ABHD12: variants seen among roughly 807,000 people sequenced by gnomAD.
ABHD12 encodes lysophosphatidylserine lipase ABHD12.
A neutral mutation model predicts 58.3 loss-of-function variants in ABHD12; 43 were observed. That is an observed-to-expected ratio of 0.74 (90% confidence interval 0.58 to 0.95). The LOEUF (loss-of-function observed/expected upper bound fraction) is 0.95, where lower values mean the gene tolerates loss of function less well. Among genes scored for constraint, ABHD12 ranks in the 40% least tolerant of loss-of-function variants. The pLI, the probability that ABHD12 is intolerant of heterozygous loss-of-function variation, is 0.00. For missense variants in ABHD12, 539 were observed against 537.2 expected, an observed-to-expected ratio of 1.00 and a Z score of -0.03; for synonymous variants, 219 against 211.2, an observed-to-expected ratio of 1.04 and a Z score of -0.32.
chr20:25,323,317 G>A lies in ABHD12; in HGVS notation c.422+8C>T. The A allele has an allele frequency of 6.3e-7, 1 of 1,591,384 alleles. No individual in the cohort carries two copies. The highest frequency in any genetic ancestry group is 8.6e-7 in the Non-Finnish European group (1 of 1,159,254). ...GCTGGAGGGGCTGCAGAGCTCACTGGCACTCACCAGACTCCAATGGTCACG... is the reference window on the plus strand; with the variant it reads ...GCTGGAGGGGCTGCAGAGCTCACTGACACTCACCAGACTCCAATGGTCACG... On this transcript the variant is annotated splice_region_variant and intron_variant, in intron 3 of 12. Transcript: ENST00000339157.
chr20:25,306,720 C>T (rs2088749384), intron 10 of ABHD12, 113 bp downstream of exon 10: 3 of 780,502 alleles, frequency 3.8e-6, no homozygotes, highest in Non-Finnish European at 6.4e-6. Context: ...TAGAGAATGA[C>T]CCTAAATACA....
intron 5 of ABHD12, among the ~76,000 whole-genome samples, chr20:25,315,254 T>G (rs2088938456): frequency 6.6e-6 from 1 of 151,754 alleles, no homozygotes; most frequent in South Asian, 2.1e-4. Flanking sequence ...CGGCCGCAGC[T>G]CCACTCGTGC....
Position 25,303,600 on chromosome 20 carries a change from T to A in ABHD12, c.979A>T (p.Ile327Phe), listed in dbSNP as rs754972322. 30 of 1,613,692 alleles carry A rather than the reference T, an allele frequency of 1.9e-5. No homozygotes were observed. The highest frequency in any genetic ancestry group is 2.5e-5 in the Non-Finnish European group (30 of 1,179,994). The change falls in exon 11 of 13, where the codon ATC becomes TTC. Residue 327 changes from isoleucine (I) to phenylalanine (F), a missense_variant. Transcript: ENST00000339157. Reference sequence around the variant, plus strand: ...ACCGGGTCGTCCTCAGCGTGCAGGATGAGCAGGGGACAGGAGATGTGCTTC... The same window carrying A: ...ACCGGGTCGTCCTCAGCGTGCAGGAAGAGCAGGGGACAGGAGATGTGCTTC... ...NVKHISCPLL[I>F]LHAEDDPVVP...
chr20:25,387,127 C>A (rs987743229), intron 1 of ABHD12, among the ~76,000 whole-genome samples: 1 of 152,046 alleles, frequency 6.6e-6, no homozygotes. Context: ...AAAAGCTCCC[C>A]ACAACATTAG....
rs1261172926 is a variant in ABHD12 at position 25,390,638 on chromosome 20, G to A, written c.66C>T (p.Ser22=). ...HERCAAAGSS[S]SGSAAAALDA... ...CCAGCGCCGCGGCGGCCGAGCCGGA[G>A]GAGGACGAGCCCGCGGCGGCGCAGC... Residue 22 remains serine (S), a synonymous_variant, in exon 1 of 13, where the codon TCC becomes TCT. Transcript: ENST00000339157. 15 of 1,453,198 alleles carry A rather than the reference G, an allele frequency of 1.0e-5. No homozygotes were observed. In the East Asian group the frequency reaches 1.6e-4, roughly 15 times the overall value. The allele number at this position is 1,453,198 out of a possible 1,614,324, so 90.0% of individuals were successfully genotyped here.
At chr20:25,317,507 T>C (rs1435317784) in intron 4 of ABHD12, among the ~76,000 whole-genome samples, 2 of 152,206 alleles carry the variant, frequency 1.3e-5, no homozygotes, top group Non-Finnish European at 2.9e-5. Context: ...CCTTCAGAAC[T>C]CTGCTTAGCC....
At chr20:25,329,434 C>T (rs1021776954) in intron 2 of ABHD12, among the ~76,000 whole-genome samples, 1 of 149,124 alleles carries the variant, frequency 6.7e-6, no homozygotes, top group African/African-American at 2.6e-5. Context: ...TTTCACTGTC[C>T]ACCCCCCAGT....
chr20:25,330,524 G>C (rs6037090), intron 2 of ABHD12, among the ~76,000 whole-genome samples: 7 of 152,350 alleles, frequency 4.6e-5, no homozygotes, highest in South Asian at 2.1e-4. Flanking sequence ...CACAGACAAA[G>C]AAAAAGACAG....
At chr20:25,365,534 T>C (rs1031476233) in intron 1 of ABHD12, among the ~76,000 whole-genome samples, 1 of 152,216 alleles carries the variant, frequency 6.6e-6, no homozygotes, top group Non-Finnish European at 1.5e-5. Context: ...AGTGCTACAA[T>C]GAATCACTCT....
chr20:25,389,179 A>C (rs1309583651), intron 1 of ABHD12, among the ~76,000 whole-genome samples: 2 of 151,484 alleles, frequency 1.3e-5, no homozygotes, highest in Non-Finnish European at 2.9e-5. Flanking sequence ...AAATTGTATT[A>C]AAGTTAAATC....
At chr20:25,319,456 C>A (rs2089025173) in intron 4 of ABHD12, among the ~76,000 whole-genome samples, 1 of 152,218 alleles carries the variant, frequency 6.6e-6, no homozygotes, top group Non-Finnish European at 1.5e-5. Flanking sequence ...AAGACCCCAG[C>A]ACCTGGTGCT....
At chr20:25,308,316 A>C in intron 8 of ABHD12, 141 bp downstream of exon 8, 2 of 1,048,106 alleles carry the variant, frequency 1.9e-6, no homozygotes, top group East Asian at 5.2e-5. Flanking sequence ...TATCATGGGA[A>C]GGGTGGCTGG....
At chr20:25,357,752 T>G (rs1450721348) in intron 1 of ABHD12, among the ~76,000 whole-genome samples, 1 of 152,174 alleles carries the variant, frequency 6.6e-6, no homozygotes, top group Non-Finnish European at 1.5e-5. Context: ...GGCTCACACC[T>G]GTAATCCCAG....
rs543980215 is a variant in ABHD12 at position 25,327,227 on chromosome 20, G to C, written c.317-3797C>G. On this transcript the variant is annotated intron_variant, in intron 2 of 12. Coordinates refer to ENST00000339157, the MANE Select transcript of ABHD12 (RefSeq NM_001042472.3). ...CGCATGCCTATAATCCCAGCACTTT[G>C]GGAGGCCGAGGTGGGCAGATCACGA... Among the ~76,000 whole-genome samples the C allele has an allele frequency of 8.5e-5, 13 of 152,352 alleles. No individual in the cohort carries two copies. In the South Asian group the frequency reaches 2.3e-3, roughly 27 times the overall value.
intron 10 of ABHD12, among the ~76,000 whole-genome samples, 177 bp from the exon 11 acceptor site, chr20:25,303,805 A>G (rs1294111940): frequency 6.6e-6 from 1 of 152,232 alleles, no homozygotes; most frequent in Non-Finnish European, 1.5e-5. Context: ...ATGAACATCT[A>G]TTACAGCTAG....
At chr20:25,343,328 A>G (rs1229579558) in intron 1 of ABHD12, among the ~76,000 whole-genome samples, 1 of 152,240 alleles carries the variant, frequency 6.6e-6, no homozygotes, top group Non-Finnish European at 1.5e-5. Flanking sequence ...AAAAGATAGA[A>G]ACAATCTCTT....
chr20:25,304,422 C>A (rs143495828), intron 10 of ABHD12, among the ~76,000 whole-genome samples: 2,143 of 152,364 alleles, frequency 0.014, 29 homozygotes, highest in South Asian at 0.021. Flanking sequence ...GAAAGCCCCT[C>A]CTGCCCTCAG....
intron 6 of ABHD12, among the ~76,000 whole-genome samples, chr20:25,312,830 G>A (rs1242034150): frequency 6.4e-5 from 6 of 93,078 alleles, no homozygotes; most frequent in Non-Finnish European, 6.8e-5. Flanking sequence ...GCCCGGCCGC[G>A]ACCCCGTCTG....
At chr20:25,294,948 T>C (rs1295530488) in exon 13 of ABHD12, 1 of 1,614,002 alleles carries the variant, frequency 6.2e-7, no homozygotes, top group South Asian at 1.1e-5. Context: ...TGCTCTTCGA[T>C]GACCGTGTCA....
Sources: allele counts gnomAD v4.1 joint callset (sites outside exome capture counted in the v4.1 genomes callset), GRCh38; gene constraint gnomAD v4.1.1; transcripts MANE v1.5; gene names NCBI Gene and HGNC (gene_info 2026-07-23, HGNC 2026-07-21).